TMEM232: variants seen among roughly 807,000 people sequenced by gnomAD.
TMEM232 encodes transmembrane protein 232.
In TMEM232, 80 loss-of-function variants were observed where a neutral mutation model predicts 78.8. That is an observed-to-expected ratio of 1.01 (90% confidence interval 0.85 to 1.22). The LOEUF (loss-of-function observed/expected upper bound fraction) is 1.22, where lower values mean the gene tolerates loss of function less well. Among genes scored for constraint, TMEM232 ranks in the 50% most tolerant of loss-of-function variants. TMEM232 has a pLI of 0.00. For synonymous variants in TMEM232, 297 were observed against 254.3 expected, an observed-to-expected ratio of 1.17 and a Z score of -1.60; for missense variants, 881 against 742.2, an observed-to-expected ratio of 1.19 and a Z score of -2.17.
At chr5:110,424,274 T>C (rs924109145) in intron 13 of TMEM232, among the ~76,000 whole-genome samples, 3 of 152,180 alleles carry the variant, frequency 2.0e-5, no homozygotes, top group Admixed American at 2.0e-4. Flanking sequence ...AAAAGCATTT[T>C]CTCTCATATT....
chr5:110,423,040 A>G (rs1452612322), intron 13 of TMEM232, among the ~76,000 whole-genome samples: 1 of 152,318 alleles, frequency 6.6e-6, no homozygotes, highest in Middle Eastern at 3.4e-3. Context: ...GCAATGAGGT[A>G]TATTTTCTAT....
At position 110,420,033 on chromosome 5, in the gene TMEM232, A is replaced by G. The variant is rs34307891; in HGVS notation, c.*547T>C. 0.095 allele frequency: 14,439 copies of G among 152,320 alleles called. 898 individuals carry two copies. Among genetic ancestry groups the G allele is most frequent in the South Asian group, 0.17 (839 of 4,822 alleles). The allele number at this position is 152,320 out of a possible 1,614,324, so 9.4% of individuals were successfully genotyped here. On this transcript the variant is annotated 3_prime_UTR_variant, in exon 14 of 14. Transcript: ENST00000455884. ...AGATCAAGCCAATCAATCTAAGATGACCAGCCCTCCCAGATTCAAATCTCT... is the reference window on the plus strand; with the variant it reads ...AGATCAAGCCAATCAATCTAAGATGGCCAGCCCTCCCAGATTCAAATCTCT...
chr5:110,472,076 A>G (rs926426360), intron 12 of TMEM232, among the ~76,000 whole-genome samples: 5 of 152,014 alleles, frequency 3.3e-5, no homozygotes, highest in African/African-American at 1.2e-4. Flanking sequence ...AAGGAAAGAA[A>G]ATGCATCCAC....
At chr5:110,529,573 A>C (rs1489315050) in intron 11 of TMEM232, among the ~76,000 whole-genome samples, 1 of 152,132 alleles carries the variant, frequency 6.6e-6, no homozygotes, top group Admixed American at 6.6e-5. Flanking sequence ...TAGAGCAAAA[A>C]TTTTAAGTGA....
At chr5:110,679,949 G>T (rs1561502638) in intron 1 of TMEM232, among the ~76,000 whole-genome samples, 1 of 151,900 alleles carries the variant, frequency 6.6e-6, no homozygotes, top group Non-Finnish European at 1.5e-5. Context: ...TTTAAAATTG[G>T]TACTCTACAG....
intron 12 of TMEM232, among the ~76,000 whole-genome samples, chr5:110,454,488 C>CT (rs955813960): frequency 1.3e-5 from 2 of 151,558 alleles, no homozygotes; most frequent in Non-Finnish European, 2.9e-5. Context: ...TAGCAAGACT[C>CT]TGTCTCTAAG....
chr5:110,600,805 A>AT (rs1333933622), intron 10 of TMEM232, among the ~76,000 whole-genome samples: 1 of 152,308 alleles, frequency 6.6e-6, no homozygotes, highest in Admixed American at 6.5e-5. Context: ...TCCCTAACAT[A>AT]TTTTATGAGG....
chr5:110,425,060 T>G lies in TMEM232; in HGVS notation c.1704-144A>C, dbSNP rs762213894. 71 of 690,242 alleles carry G rather than the reference T, an allele frequency of 1.0e-4. 1 individual carries two copies. Among genetic ancestry groups the G allele is most frequent in the Non-Finnish European group, 1.1e-4 (48 of 421,020 alleles). 42.8% of individuals were successfully genotyped at this position (690,242 alleles called of 1,614,324 possible). A position where few individuals can be genotyped will look rare whatever the true frequency, so the allele number is the denominator to read the frequency against. ...TAAAGTATTTGTGTAGACTATGGTA[T>G]GTTAGCTTTTAGGTTTTGTAAGCCA... On this transcript the variant is annotated intron_variant, in intron 12 of 13. Transcript: ENST00000455884.
intron 12 of TMEM232, among the ~76,000 whole-genome samples, chr5:110,523,965 AAGG>A (rs1246121173): frequency 1.6e-3 from 17 of 10,528 alleles, no homozygotes; most frequent in Admixed American, 3.2e-3. Flanking sequence ...AAAAAAAAAA[AAGG>A]GGGGGGGGCG....
At chr5:110,598,183 T>A (rs182103251) in intron 10 of TMEM232, among the ~76,000 whole-genome samples, 1 of 151,862 alleles carries the variant, frequency 6.6e-6, no homozygotes, top group East Asian at 1.9e-4. Flanking sequence ...AACAACCCCA[T>A]CAAAAAGTGG....
intron 5 of TMEM232, among the ~76,000 whole-genome samples, chr5:110,633,092 A>C (rs2149980801): frequency 6.6e-6 from 1 of 152,282 alleles, no homozygotes; most frequent in South Asian, 2.1e-4. Context: ...TGCAAGAAAA[A>C]AAACTTGACA....
At chr5:110,399,854 G>A (rs1457804314) in intron 2 of TMEM232, among the ~76,000 whole-genome samples, 1 of 152,022 alleles carries the variant, frequency 6.6e-6, no homozygotes, top group Non-Finnish European at 1.5e-5. Context: ...ATATTCTAAA[G>A]CCACTACTGA....
At chr5:110,404,851 C>G (rs1755727720) in intron 2 of TMEM232, among the ~76,000 whole-genome samples, 1 of 151,834 alleles carries the variant, frequency 6.6e-6, no homozygotes, top group Non-Finnish European at 1.5e-5. Context: ...GAGGTGTAGG[C>G]CTGATGTTGA....
chr5:110,531,453 C>T (rs1771462080), intron 11 of TMEM232, among the ~76,000 whole-genome samples: 1 of 152,258 alleles, frequency 6.6e-6, no homozygotes, highest in South Asian at 2.1e-4. Flanking sequence ...GCCCAAGAAA[C>T]ATCTCACTAA....
intron 12 of TMEM232, among the ~76,000 whole-genome samples, chr5:110,482,841 T>A (rs1439695541): frequency 6.6e-6 from 1 of 151,776 alleles, no homozygotes; most frequent in Admixed American, 6.6e-5. Context: ...GAATTCTATA[T>A]CCAGAAAAAA....
chr5:110,628,662 A>AGTGTGTGTGTGT (rs146531604), intron 5 of TMEM232, among the ~76,000 whole-genome samples: 55 of 140,814 alleles, frequency 3.9e-4, no homozygotes, highest in East Asian at 1.6e-3. Context: ...GTCAGTATCC[A>AGTGTGTGTGTGT]GTGTGTGTGT....
At chr5:110,586,565 C>T (rs895214355) in intron 10 of TMEM232, among the ~76,000 whole-genome samples, 3 of 135,598 alleles carry the variant, frequency 2.2e-5, no homozygotes, top group African/African-American at 3.1e-5. Context: ...CATACACACC[C>T]TTTCACACAC....
At chr5:110,630,229 T>C (rs1784942611) in intron 5 of TMEM232, among the ~76,000 whole-genome samples, 1 of 152,192 alleles carries the variant, frequency 6.6e-6, no homozygotes, top group East Asian at 1.9e-4. Context: ...AAATAGTACA[T>C]CTTGGGATTC....
intron 2 of TMEM232, among the ~76,000 whole-genome samples, chr5:110,652,326 C>G (rs571452381): frequency 4.3e-5 from 1 of 23,392 alleles, no homozygotes; most frequent in South Asian, 1.5e-3. Flanking sequence ...ACACACTATC[C>G]AGGGTTTCAA....
Sources: gnomAD v4.1 joint callset for allele counts (sites outside exome capture counted in the v4.1 genomes callset) on GRCh38, gnomAD v4.1.1 for gene constraint, MANE v1.5 for transcripts, NCBI Gene and HGNC (gene_info 2026-07-23, HGNC 2026-07-21) for gene names.